The following UBE2D4 variants were observed in gnomAD, a reference collection of about 807,000 sequenced individuals.
The protein encoded by UBE2D4 is ubiquitin conjugating enzyme E2 D4.
A neutral mutation model predicts 23.0 loss-of-function variants in UBE2D4; 17 were observed. The ratio of observed to expected loss-of-function variants is 0.74; its 90% confidence interval spans 0.51 to 1.11. UBE2D4 has a LOEUF of 1.11. Ranked by LOEUF, UBE2D4 falls within the 50% of genes least tolerant of loss-of-function variation. UBE2D4 has a pLI of 0.00. For synonymous variants in UBE2D4, 61 were observed against 69.4 expected (o/e 0.88, Z 0.60); for missense variants, 139 against 181.8 (o/e 0.76, Z 1.35).
chr7:43,938,372 G>T, intron 1 of UBE2D4, 59 bp from the exon 2 acceptor site: 1 of 1,527,934 alleles, frequency 6.5e-7, no homozygotes, highest in Non-Finnish European at 9.1e-7. Flanking sequence ...ACCAAGATTG[G>T]TATGTAGAGG....
intron 2 of UBE2D4, chr7:43,942,425 G>T (rs528412887): frequency 3.5e-4 from 125 of 354,168 alleles, no homozygotes; most frequent in African/African-American, 2.4e-3. Context: ...CATGCTCTCA[G>T]GGTGGAGCTC....
At chr7:43,928,828 T>C (rs748341582) in intron 1 of UBE2D4, among the ~76,000 whole-genome samples, 4 of 151,546 alleles carry the variant, frequency 2.6e-5, no homozygotes, top group Non-Finnish European at 5.9e-5. Context: ...GGGAGGAGGG[T>C]AGGAGAGATT....
intron 1 of UBE2D4, among the ~76,000 whole-genome samples, chr7:43,936,124 C>T (rs560718887): frequency 1.2e-4 from 19 of 152,330 alleles, no homozygotes; most frequent in African/African-American, 3.1e-4. Flanking sequence ...CTGCCTACCT[C>T]GGCCTCCCAA....
chr7:43,945,342 G>C (rs925619701), intron 4 of UBE2D4, among the ~76,000 whole-genome samples: 1 of 152,168 alleles, frequency 6.6e-6, no homozygotes, highest in African/African-American at 2.4e-5. Context: ...TGGGTGAGTT[G>C]GGATTATTTT....
At chr7:43,932,201 G>A (rs1462184092) in intron 1 of UBE2D4, among the ~76,000 whole-genome samples, 1 of 151,206 alleles carries the variant, frequency 6.6e-6, no homozygotes, top group Non-Finnish European at 1.5e-5. Flanking sequence ...ATGTTAGCCA[G>A]GATGGTCTCG....
At chr7:43,939,613 A>G (rs1366359574) in intron 2 of UBE2D4, among the ~76,000 whole-genome samples, 1 of 152,232 alleles carries the variant, frequency 6.6e-6, no homozygotes, top group Non-Finnish European at 1.5e-5. Context: ...GTGAGACAGA[A>G]TGTGTATGCC....
chr7:43,926,651 C>T (rs1426414186), intron 1 of UBE2D4, 95 bp downstream of exon 1: 6 of 1,350,468 alleles, frequency 4.4e-6, no homozygotes, highest in African/African-American at 3.0e-5. Flanking sequence ...GACGGAGGCT[C>T]CGCGAGTCGC....
intron 6 of UBE2D4, among the ~76,000 whole-genome samples, chr7:43,951,647 C>T (rs370680585): frequency 6.6e-6 from 1 of 152,144 alleles, no homozygotes; most frequent in East Asian, 1.9e-4. Context: ...CCTCCTGCCT[C>T]AGCCTCCTGA....
At chr7:43,932,125 G>C (rs1004780272) in intron 1 of UBE2D4, among the ~76,000 whole-genome samples, 9 of 152,076 alleles carry the variant, frequency 5.9e-5, no homozygotes, top group Non-Finnish European at 1.0e-4. Context: ...GAGTAGCTGG[G>C]ACTACAGGCG....
chr7:43,934,592 C>G (rs1001104311), intron 1 of UBE2D4, among the ~76,000 whole-genome samples: 2 of 151,400 alleles, frequency 1.3e-5, no homozygotes, highest in Non-Finnish European at 2.9e-5. Context: ...GTCACACAGG[C>G]GCAGTCTTGG....
rs549661515 is a variant in UBE2D4, at chr7:43,930,369, T to A, written c.24+3813T>A. 3.3e-5 allele frequency among the ~76,000 whole-genome samples: 5 copies of A among 152,344 alleles called. No individual in the cohort carries two copies. In the East Asian group the frequency reaches 5.8e-4, roughly 18 times the overall value. On this transcript the variant is annotated intron_variant, in intron 1 of 6. Transcript: ENST00000222402. Reference sequence around the variant, plus strand: ...CCCTTAGTTTCCAATCCACAGCCCTTTCTAACCAACTTCAACCCTTTAAAA... The same window carrying A: ...CCCTTAGTTTCCAATCCACAGCCCTATCTAACCAACTTCAACCCTTTAAAA...
intron 5 of UBE2D4, 68 bp downstream of exon 5, chr7:43,948,805 G>A (rs1446139135): frequency 8.0e-7 from 1 of 1,242,568 alleles, no homozygotes; most frequent in South Asian, 1.2e-5. Flanking sequence ...CTGACTGAGT[G>A]GAAATGGAAG....
intron 4 of UBE2D4, among the ~76,000 whole-genome samples, chr7:43,945,643 T>TA (rs11346046): frequency 1.3e-5 from 2 of 151,818 alleles, no homozygotes; most frequent in African/African-American, 2.4e-5. Flanking sequence ...AAAGTAAGTT[T>TA]AAAAAAAACT....
intron 1 of UBE2D4, among the ~76,000 whole-genome samples, chr7:43,934,453 C>CTTTTTTTTTTTT (rs36122809): frequency 2.1e-5 from 3 of 142,236 alleles, no homozygotes; most frequent in Non-Finnish European, 3.1e-5. Context: ...CTTGTTTTTC[C>CTTTTTTTTTTTT]TTTTTTTTTT....
At chr7:43,928,945 T>C (rs1407327307) in intron 1 of UBE2D4, among the ~76,000 whole-genome samples, 2 of 152,334 alleles carry the variant, frequency 1.3e-5, no homozygotes, top group Non-Finnish European at 2.9e-5. Flanking sequence ...AAATGTCAAC[T>C]ATAGATCCAA....
chr7:43,933,287 C>T (rs903934574), intron 1 of UBE2D4, among the ~76,000 whole-genome samples: 2 of 151,652 alleles, frequency 1.3e-5, no homozygotes, highest in South Asian at 2.1e-4. Flanking sequence ...TTATACTCTG[C>T]TTTTTTCTTG....
intron 2 of UBE2D4, chr7:43,942,617 A>G: frequency 4.6e-6 from 3 of 647,906 alleles, no homozygotes; most frequent in East Asian, 2.7e-5. Context: ...ATAACCAGCA[A>G]TCTTAAGCAC....
At chr7:43,951,679 T>C (rs2096002779) in intron 6 of UBE2D4, among the ~76,000 whole-genome samples, 1 of 152,036 alleles carries the variant, frequency 6.6e-6, no homozygotes. Context: ...TACAGGCGTG[T>C]CCCACCACAC....
chr7:43,929,456 A>T (rs1041105167), intron 1 of UBE2D4, among the ~76,000 whole-genome samples: 15 of 149,400 alleles, frequency 1.0e-4, no homozygotes, highest in South Asian at 4.3e-4. Context: ...AATAAAAATT[A>T]AAAAAAAAAT....
Sources: allele counts gnomAD v4.1 joint callset (sites outside exome capture counted in the v4.1 genomes callset), GRCh38; gene constraint gnomAD v4.1.1; transcripts MANE v1.5; gene names NCBI Gene and HGNC (gene_info 2026-07-23, HGNC 2026-07-21).